Variants in TNFRSF11B observed in about 807,000 individuals in gnomAD.
TNFRSF11B encodes tumor necrosis factor receptor superfamily member 11B.
Under a neutral mutation model 43.4 loss-of-function variants are expected in TNFRSF11B, and 16 were observed. That is an observed-to-expected ratio of 0.37 (90% CI 0.25 to 0.56). The LOEUF (loss-of-function observed/expected upper bound fraction) is 0.56, where lower values mean the gene tolerates loss of function less well. TNFRSF11B is among the 20% of genes least tolerant of loss of function. The pLI is 0.80. For missense variants in TNFRSF11B, 444 were observed against 490.1 expected (o/e 0.91, Z 0.89); for synonymous variants, 185 against 181.8 (o/e 1.02, Z -0.14).
chr8:118,924,944 T>G (rs939005623), intron 4 of TNFRSF11B, among the ~76,000 whole-genome samples, 182 bp from the exon 5 acceptor site: 2 of 152,210 alleles, frequency 1.3e-5, no homozygotes, highest in African/African-American at 4.8e-5. Context: ...ATAAATATTT[T>G]TTGTTATAAT....
At position 118,951,797 on chromosome 8, in the gene TNFRSF11B, G is replaced by T; in HGVS notation, c.25C>A (p.Leu9Ile). 1 of 1,593,002 alleles carries T rather than the reference G, an allele frequency of 6.3e-7. No homozygotes were observed. The change falls in exon 1 of 5, where the codon CTC becomes ATC. Residue 9 changes from leucine (L) to isoleucine (I), a missense_variant. By Grantham distance (5) the Leu-to-Ile change is conservative (BLOSUM62 2). Transcript: ENST00000297350. ...CGGCTGGCCCAGGGACTTACCACGA[G>T]CGCGCAGCACAGCAAGTTGTTCATT... is the stretch of plus-strand genomic sequence containing the variant. MNNLLCCALVFLDISIKWT... is the reference protein window; with the variant it reads MNNLLCCAIVFLDISIKWT...
intron 1 of TNFRSF11B, among the ~76,000 whole-genome samples, chr8:118,937,280 A>C (rs1206287378): frequency 6.6e-6 from 1 of 152,196 alleles, no homozygotes; most frequent in Non-Finnish European, 1.5e-5. Context: ...TTAATTACCC[A>C]GTGAACTTGG....
intron 3 of TNFRSF11B, among the ~76,000 whole-genome samples, chr8:118,927,662 C>A (rs1271137555): frequency 2.5e-4 from 37 of 149,800 alleles, no homozygotes; most frequent in Non-Finnish European, 4.4e-5. Flanking sequence ...ATATATATAT[C>A]AATTCACATT....
intron 1 of TNFRSF11B, among the ~76,000 whole-genome samples, chr8:118,938,013 TAATC>T (rs1277432207): frequency 3.9e-5 from 6 of 152,222 alleles, no homozygotes; most frequent in African/African-American, 1.4e-4. Flanking sequence ...ATTTTGCAAT[TAATC>T]ATTCAGCTGT....
At chr8:118,925,083 C>A (rs547638215) in intron 4 of TNFRSF11B, among the ~76,000 whole-genome samples, 3 of 152,210 alleles carry the variant, frequency 2.0e-5, no homozygotes, top group African/African-American at 7.2e-5. Context: ...GAAATTAAAA[C>A]CATAACATTT....
chr8:118,951,658 C>T, intron 1 of TNFRSF11B, 134 bp downstream of exon 1: 1 of 870,680 alleles, frequency 1.1e-6, no homozygotes, highest in South Asian at 1.5e-5. Flanking sequence ...TTTCCTGCTC[C>T]AGCCTAACCC....
At chr8:118,939,298 T>G (rs1290471294) in intron 1 of TNFRSF11B, among the ~76,000 whole-genome samples, 2 of 152,194 alleles carry the variant, frequency 1.3e-5, no homozygotes, top group Admixed American at 1.3e-4. Flanking sequence ...AAGCACTTAT[T>G]GAAACAATTG....
chr8:118,925,370 T>C (rs149256030), intron 4 of TNFRSF11B, among the ~76,000 whole-genome samples: 97 of 152,366 alleles, frequency 6.4e-4, no homozygotes, highest in African/African-American at 2.2e-3. Context: ...ACTTAGTATC[T>C]GTGAGCCCTA....
Position 118,928,012 on chromosome 8 carries a change from ATGTG to A in TNFRSF11B, c.592+722_592+725del, listed in dbSNP as rs58489703. 1.2e-3 allele frequency among the ~76,000 whole-genome samples: 179 copies of A among 145,234 alleles called. 1 individual carries two copies. The highest frequency in any genetic ancestry group is 2.6e-3 in the Admixed American group (38 of 14,546). ...TAACAAAGCCAAGTACACATTTCTA[ATGTG>A]TGTGTGTGTGTGTGTGTGTGTGTGT... On this transcript the variant is annotated intron_variant, in intron 3 of 4. Coordinates refer to ENST00000297350, the MANE Select transcript of TNFRSF11B (RefSeq NM_002546.4).
In TNFRSF11B at chr8:118,924,731, C is replaced by G; in HGVS notation, c.849G>C (p.Arg283=). The part of the protein sequence containing the change: ...DIDLCENSVQ[R]HIGHANLTFE... ...AGGTGAGGTTAGCATGTCCAATGTG[C>G]CGCTGCACGCTGTTTTCACAGAGGT... The change falls in exon 5 of 5, where the codon CGG becomes CGC. Residue 283 remains arginine, a synonymous_variant. Transcript: ENST00000297350. 1 of 1,614,166 alleles carries G rather than the reference C, an allele frequency of 6.2e-7. No homozygotes were observed. The highest frequency in any genetic ancestry group is 2.2e-5 in the East Asian group (1 of 44,878).
Position 118,932,954 on chromosome 8 carries a change from G to C in TNFRSF11B, c.377C>G (p.Pro126Arg). The C allele has an allele frequency of 6.2e-7, 1 of 1,614,138 alleles. No individual in the cohort carries two copies. The highest frequency in any genetic ancestry group is 1.1e-5 in the South Asian group (1 of 91,084). Reference sequence around the variant, plus strand: ...ACCAGCTTGCACCACTCCAAATCCAGGAGGGCAGCTCCTATGTTTCAAGCA... The same window carrying C: ...ACCAGCTTGCACCACTCCAAATCCACGAGGGCAGCTCCTATGTTTCAAGCA... ...EFCLKHRSCP[P>R]GFGVVQAGTP... Residue 126 changes from proline (P) to arginine (R), a missense_variant, in exon 2 of 5, where the codon CCT becomes CGT. By Grantham distance (103) the Pro-to-Arg change is moderately radical. Coordinates refer to ENST00000297350, the MANE Select transcript of TNFRSF11B (RefSeq NM_002546.4).
intron 1 of TNFRSF11B, 135 bp from the exon 2 acceptor site, chr8:118,933,435 A>G: frequency 7.2e-7 from 1 of 1,394,246 alleles, no homozygotes; most frequent in South Asian, 1.2e-5. Flanking sequence ...TAAGCTTGGA[A>G]GCCATAATTT....
chr8:118,935,412 A>G (rs4319131), intron 1 of TNFRSF11B, among the ~76,000 whole-genome samples: 50,230 of 152,106 alleles, frequency 0.33, 10,353 homozygotes, highest in Non-Finnish European at 0.45. Context: ...CCTTGCCTTC[A>G]AGTTCATACT....
intron 1 of TNFRSF11B, among the ~76,000 whole-genome samples, chr8:118,943,804 A>G (rs3134060): frequency 0.094 from 14,361 of 152,196 alleles, 846 homozygotes; most frequent in African/African-American, 0.17. Flanking sequence ...CGAAGGGTCA[A>G]CTGGAAGCAA....
chr8:118,940,697 G>C (rs1044689494), intron 1 of TNFRSF11B, among the ~76,000 whole-genome samples: 2 of 152,090 alleles, frequency 1.3e-5, no homozygotes, highest in African/African-American at 2.4e-5. Context: ...TTCTTGTTCT[G>C]TATGAAGTAA....
At chr8:118,944,425 G>GT (rs1812530100) in intron 1 of TNFRSF11B, among the ~76,000 whole-genome samples, 1 of 151,986 alleles carries the variant, frequency 6.6e-6, no homozygotes, top group Admixed American at 6.6e-5. Flanking sequence ...ATGAGTTACT[G>GT]GCCAGAACTA....
chr8:118,927,227 G>A (rs1467497705), intron 3 of TNFRSF11B, among the ~76,000 whole-genome samples: 1 of 152,138 alleles, frequency 6.6e-6, no homozygotes, highest in African/African-American at 2.4e-5. Flanking sequence ...ACATTACATA[G>A]GAAAATAACC....
intron 2 of TNFRSF11B, among the ~76,000 whole-genome samples, chr8:118,930,925 C>A (rs1812319425): frequency 6.6e-6 from 1 of 152,194 alleles, no homozygotes; most frequent in Non-Finnish European, 1.5e-5. Context: ...TGACTTCCCT[C>A]TATAACTGAT....
rs778940294 is a variant in TNFRSF11B at position 118,924,741 on chromosome 8, CT to C, written c.838del (p.Ser280AlafsTer19). 3 of 1,614,188 alleles carry C rather than the reference CT, an allele frequency of 1.9e-6. No homozygotes were observed. The Admixed American group carries it at 5.0e-5, about 27-fold the overall frequency. ...AGCATGTCCAATGTGCCGCTGCACGCTGTTTTCACAGAGGTCAATATCTGCA... is the reference window on the plus strand; with the variant it reads ...AGCATGTCCAATGTGCCGCTGCACGCGTTTTCACAGAGGTCAATATCTGCA... ...IIQDIDLCENSVQRHIGHANL... is the reference protein window; with the variant it reads ...IIQDIDLCENXVQRHIGHANL... On this transcript the variant is annotated frameshift_variant, in exon 5 of 5. Transcript: ENST00000297350. LOFTEE classifies it high-confidence loss of function.
Sources: gnomAD v4.1 joint callset for allele counts (sites outside exome capture counted in the v4.1 genomes callset) on GRCh38, gnomAD v4.1.1 for gene constraint, MANE v1.5 for transcripts, NCBI Gene and HGNC (gene_info 2026-07-23, HGNC 2026-07-21) for gene names.